Variants in PTPA observed in about 807,000 individuals in gnomAD.
PTPA encodes the protein protein phosphatase 2 phosphatase activator.
A neutral mutation model predicts 43.6 loss-of-function variants in PTPA; 13 were observed. That is an observed-to-expected ratio of 0.30 (90% CI 0.19 to 0.47). The LOEUF (loss-of-function observed/expected upper bound fraction) is 0.47, where lower values mean the gene tolerates loss of function less well. PTPA is among the 20% of genes least tolerant of loss of function. The probability of loss-of-function intolerance (pLI) is 0.99; values close to 1 mark genes in which losing one functional copy is unlikely to be tolerated. For synonymous variants in PTPA, 172 were observed against 158.2 expected (o/e 1.09, Z -0.66); for missense variants, 329 against 411.9 (o/e 0.80, Z 1.74).
rs1346013153 is a variant in PTPA, at chr9:129,142,840, T to TG, written c.894+293dup. The TG allele has an allele frequency of 3.4e-5, 52 of 1,532,332 alleles. No individual in the cohort carries two copies. The Middle Eastern group carries it at 6.7e-4, about 20-fold the overall frequency. 94.9% of individuals were successfully genotyped at this position (1,532,332 alleles called of 1,614,324 possible). Reference sequence around the variant, plus strand: ...CCTGCTGCATGGGGAGTGGGGGCGATGGGGGCCTCCCTTCTCCTTTATCAA... The same window carrying TG: ...CCTGCTGCATGGGGAGTGGGGGCGATGGGGGGCCTCCCTTCTCCTTTATCAA... On this transcript the variant is annotated intron_variant, in intron 9 of 9. Transcript: ENST00000393370.
chr9:129,125,847 TGCATAGAAA>T (rs1437033209), intron 3 of PTPA, among the ~76,000 whole-genome samples: 3 of 152,216 alleles, frequency 2.0e-5, no homozygotes. Flanking sequence ...ATAGTGTTGT[TGCATAGAAA>T]GCTAGCTTTT....
chr9:129,146,335 G>A (rs952475097), intron 9 of PTPA, among the ~76,000 whole-genome samples: 5 of 152,048 alleles, frequency 3.3e-5, no homozygotes, highest in Admixed American at 2.0e-4. Context: ...CCCTCCTGGC[G>A]CCTCTTTGGC....
chr9:129,146,973 A>G (rs1224683579), intron 9 of PTPA, among the ~76,000 whole-genome samples: 1 of 152,204 alleles, frequency 6.6e-6, no homozygotes, highest in African/African-American at 2.4e-5. Flanking sequence ...TGGAGAAAAC[A>G]GGCTTTGGGA....
intron 3 of PTPA, among the ~76,000 whole-genome samples, chr9:129,126,727 C>G (rs1247499703): frequency 6.6e-6 from 1 of 152,086 alleles, no homozygotes; most frequent in Non-Finnish European, 1.5e-5. Context: ...GTTCTTTGTG[C>G]CTCGAAGGTG....
Position 129,142,830 on chromosome 9 carries a change from G to A in PTPA, c.894+278G>A, listed in dbSNP as rs183382053. On this transcript the variant is annotated intron_variant, in intron 9 of 9. Transcript: ENST00000393370. ...GAGGCAAGGACCTGCTGCATGGGGAGTGGGGGCGATGGGGGCCTCCCTTCT... is the reference window on the plus strand; with the variant it reads ...GAGGCAAGGACCTGCTGCATGGGGAATGGGGGCGATGGGGGCCTCCCTTCT... 8 of 1,533,366 alleles carry A rather than the reference G, an allele frequency of 5.2e-6. No homozygotes were observed. In the Admixed American group the frequency reaches 9.8e-5, roughly 19 times the overall value. The allele number at this position is 1,533,366 out of a possible 1,614,324, so 95.0% of individuals were successfully genotyped here. A position where few individuals can be genotyped will look rare whatever the true frequency, so the allele number is the denominator to read the frequency against.
In PTPA at chr9:129,131,373, CT is replaced by C. The variant is rs144567262; in HGVS notation, c.343-148del. ...TGCTGTGGAAGAATAAATGCTGTCC[CT>C]CCCCTTCCTTCTGTGGCCTGTCAGA... On this transcript the variant is annotated intron_variant, in intron 4 of 9. Coordinates refer to ENST00000393370, the MANE Select transcript of PTPA (RefSeq NM_178000.3). The C allele has an allele frequency of 4.1e-4, 264 of 649,960 alleles. 2 individuals are homozygous for C. The East Asian group carries it at 6.5e-3, about 16-fold the overall frequency. 40.3% of individuals were successfully genotyped at this position (649,960 alleles called of 1,614,324 possible). A position where few individuals can be genotyped will look rare whatever the true frequency, so the allele number is the denominator to read the frequency against.
In PTPA at chr9:129,143,664, C is replaced by G. The variant is rs146957176; in HGVS notation, c.894+1112C>G. 119 of 505,820 alleles carry G rather than the reference C, an allele frequency of 2.4e-4. 1 individual carries two copies. In the East Asian group the frequency reaches 2.4e-3, roughly 10 times the overall value. The allele number at this position is 505,820 out of a possible 1,614,324, so 31.3% of individuals were successfully genotyped here. ...CCCTCACTCCCTTCCGCCCCCTCCCCCTTTGGTCCCCTTCCTCTGGACCTC... is the reference window on the plus strand; with the variant it reads ...CCCTCACTCCCTTCCGCCCCCTCCCGCTTTGGTCCCCTTCCTCTGGACCTC... On this transcript the variant is annotated intron_variant, in intron 9 of 9. Transcript: ENST00000393370.
At chr9:129,136,408 C>G (rs1035258919) in intron 6 of PTPA, 63 bp from the exon 7 acceptor site, 1 of 1,522,164 alleles carries the variant, frequency 6.6e-7, no homozygotes, top group African/African-American at 1.4e-5. Context: ...CTCCCAGTGG[C>G]CGAAAGGGTG....
chr9:129,111,821 A>C, intron 1 of PTPA, 190 bp downstream of exon 1: 5 of 1,215,016 alleles, frequency 4.1e-6, no homozygotes, highest in Non-Finnish European at 5.1e-6. Context: ...TGGGGAGGGA[A>C]CCAGGGGCTG....
chr9:129,111,344 A>C, upstream of PTPA: 2 of 1,178,728 alleles, frequency 1.7e-6, no homozygotes, highest in Non-Finnish European at 1.1e-6. Context: ...CCGCACTGAC[A>C]TGGCCGTCGC....
Position 129,137,637 on chromosome 9 carries a change from T to G in PTPA, c.731T>G (p.Val244Gly). 1 of 1,613,134 alleles carries G rather than the reference T, an allele frequency of 6.2e-7. No individual in the cohort carries two copies. Among genetic ancestry groups the G allele is most frequent in the Non-Finnish European group, 8.5e-7 (1 of 1,179,586 alleles). ...AGACACTTTGTGGATGAGAAGGCCG[T>G]GAATGAGAACCACAAGGACTACATG... ...EPRHFVDEKA[V>G]NENHKDYMFL... is the part of the protein sequence containing the mutation. Residue 244 changes from valine (V) to glycine (G), a missense_variant, in exon 8 of 10, where the codon GTG (valine) becomes GGG (glycine). Coordinates refer to ENST00000393370, the MANE Select transcript of PTPA (RefSeq NM_178000.3).
upstream of PTPA, chr9:129,111,114 C>T: frequency 7.5e-7 from 1 of 1,331,730 alleles, no homozygotes; most frequent in East Asian, 4.6e-5. Flanking sequence ...ACCATGTTGA[C>T]CGGGGAATGT....
upstream of PTPA, chr9:129,111,411 C>G: frequency 4.0e-6 from 5 of 1,248,144 alleles, no homozygotes; most frequent in Non-Finnish European, 4.0e-6. Context: ...CCTGAGCGCC[C>G]CGCACCGACA....
chr9:129,123,069 C>G lies in PTPA; in HGVS notation c.147C>G (p.Ile49Met). ...WKRSQAYADY[I>M]GFILTLNEGV... is the part of the protein sequence containing the mutation. ...TTTGGTAGGCATACGCTGACTACAT[C>G]GGATTCATCCTTACCCTCAACGAAG... Residue 49 changes from isoleucine (I) to methionine (M), a missense_variant, in exon 3 of 10, where the codon ATC (isoleucine) becomes ATG (methionine). Physicochemically the swap from Ile to Met is conservative, Grantham distance 10. Coordinates refer to ENST00000393370, the MANE Select transcript of PTPA (RefSeq NM_178000.3). 1 of 1,610,994 alleles carries G rather than the reference C, an allele frequency of 6.2e-7. No individual in the cohort carries two copies. The highest frequency in any genetic ancestry group is 8.5e-7 in the Non-Finnish European group (1 of 1,178,178).
intron 3 of PTPA, chr9:129,128,015 T>G (rs1189291248): frequency 7.4e-7 from 1 of 1,347,834 alleles, no homozygotes; most frequent in Non-Finnish European, 9.9e-7. Context: ...GCAGAGTGTG[T>G]CCTGCGATGA....
chr9:129,143,909 T>C (rs1050195933), intron 9 of PTPA, among the ~76,000 whole-genome samples: 6 of 151,734 alleles, frequency 4.0e-5, no homozygotes, highest in African/African-American at 7.3e-5. Context: ...CACTCTGCTG[T>C]GCCCCGCCTC....
intron 8 of PTPA, chr9:129,139,233 G>A (rs984982651): frequency 3.3e-5 from 5 of 152,206 alleles, no homozygotes; most frequent in African/African-American, 1.2e-4. Context: ...TAGTTGGTTG[G>A]TTGATTTTGT....
chr9:129,124,424 G>T (rs913849586), intron 3 of PTPA, among the ~76,000 whole-genome samples: 2 of 152,118 alleles, frequency 1.3e-5, no homozygotes, highest in Non-Finnish European at 2.9e-5. Flanking sequence ...TTGCATCCCC[G>T]CACATAGATC....
intron 3 of PTPA, among the ~76,000 whole-genome samples, chr9:129,125,895 T>G (rs1439614798): frequency 6.6e-6 from 1 of 152,200 alleles, no homozygotes; most frequent in Non-Finnish European, 1.5e-5. Flanking sequence ...ATGACTGTAA[T>G]CCTAGCACCT....
Sources: allele counts gnomAD v4.1 joint callset (sites outside exome capture counted in the v4.1 genomes callset), GRCh38; gene constraint gnomAD v4.1.1; transcripts MANE v1.5; gene names NCBI Gene and HGNC (gene_info 2026-07-23, HGNC 2026-07-21).